The following TRIM33 variants were observed in gnomAD, a reference collection of about 807,000 sequenced individuals.
TRIM33 encodes tripartite motif containing 33.
TRIM33 carries 20 observed loss-of-function variants against 125.4 expected under a neutral mutation model. The observed-to-expected ratio is 0.16, with a 90% CI of 0.11 to 0.23. TRIM33 has a LOEUF of 0.23. TRIM33 is among the 10% of genes least tolerant of loss of function. The pLI is 1.00. For missense variants in TRIM33, 920 were observed against 1,411.4 expected, an observed-to-expected ratio of 0.65 and a Z score of 5.58; for synonymous variants, 564 against 513.9, an observed-to-expected ratio of 1.10 and a Z score of -1.32.
In TRIM33 at chr1:114,424,674, C is replaced by T; in HGVS notation, c.1777G>A (p.Ala593Thr). 1 of 1,611,698 alleles carries T rather than the reference C, an allele frequency of 6.2e-7. No individual in the cohort carries two copies. The highest frequency in any genetic ancestry group is 8.5e-7 in the Non-Finnish European group (1 of 1,178,692). The change falls in exon 10 of 20, where the codon GCT becomes ACT. Residue 593 changes from alanine (A) to threonine (T), a missense_variant. This residue lies in a region of TRIM33 where 407 missense variants were observed against 589.7 expected (regional missense o/e 0.69). Transcript: ENST00000358465. The stretch of plus-strand genomic sequence containing the variant: ...CCTGGTATTCTGGCAGCATTCTGAG[C>T]CAGTCTCATCTGATGGGCTTGAAAA... ...GAFQAHQMRLAQNAARIPGIP... is the reference protein window; with the variant it reads ...GAFQAHQMRLTQNAARIPGIP...
At chr1:114,488,468 TAAA>T (rs1195193555) in intron 1 of TRIM33, among the ~76,000 whole-genome samples, 4 of 152,162 alleles carry the variant, frequency 2.6e-5, no homozygotes, top group Admixed American at 6.5e-5. Context: ...GTAAGTACAT[TAAA>T]AGAAGATGGA....
chr1:114,473,459 C>T (rs1650778765), intron 1 of TRIM33, among the ~76,000 whole-genome samples: 1 of 151,932 alleles, frequency 6.6e-6, no homozygotes, highest in South Asian at 2.1e-4. Context: ...AAACTAATTC[C>T]GATTGGCTAC....
At chr1:114,462,016 G>A (rs1474091138) in intron 4 of TRIM33, among the ~76,000 whole-genome samples, 3 of 152,126 alleles carry the variant, frequency 2.0e-5, no homozygotes, top group African/African-American at 7.2e-5. Flanking sequence ...AAGAAAATGA[G>A]CATATGGGTT....
intron 1 of TRIM33, among the ~76,000 whole-genome samples, chr1:114,485,000 C>T (rs1259056903): frequency 6.6e-6 from 1 of 151,606 alleles, no homozygotes; most frequent in Admixed American, 6.6e-5. Context: ...TGCAGTGAGC[C>T]GAGATCACAC....
intron 11 of TRIM33, among the ~76,000 whole-genome samples, chr1:114,415,626 C>T (rs1417254110): frequency 1.3e-5 from 2 of 152,044 alleles, no homozygotes; most frequent in Admixed American, 1.3e-4. Context: ...CCATTTGTAC[C>T]AATAAGCTCA....
chr1:114,395,946 G>T lies in TRIM33; in HGVS notation c.*1702C>A, dbSNP rs566204960. The T allele has an allele frequency of 7.7e-4, 149 of 193,804 alleles. No homozygotes were observed. The highest frequency in any genetic ancestry group is 1.3e-3 in the Non-Finnish European group (121 of 92,930). 12.0% of individuals were successfully genotyped at this position (193,804 alleles called of 1,614,324 possible). ...ATAATTTCTTTAGAGCACTTTATTTGATTCAATATGCATTAAAAAATATTG... is the reference window on the plus strand; with the variant it reads ...ATAATTTCTTTAGAGCACTTTATTTTATTCAATATGCATTAAAAAATATTG... On this transcript the variant is annotated 3_prime_UTR_variant, in exon 20 of 20. Transcript: ENST00000358465.
intron 4 of TRIM33, among the ~76,000 whole-genome samples, chr1:114,447,772 A>G (rs1306090332): frequency 1.3e-5 from 2 of 152,262 alleles, no homozygotes; most frequent in Non-Finnish European, 2.9e-5. Flanking sequence ...CCAAGTACAT[A>G]AATGTGTTAA....
Position 114,510,918 on chromosome 1 carries a change from G to A in TRIM33, c.159C>T (p.Ala53=), listed in dbSNP as rs1444184998. The A allele has an allele frequency of 1.8e-5, 25 of 1,418,190 alleles. No homozygotes were observed. The highest frequency in any genetic ancestry group is 2.9e-5 in the South Asian group (2 of 68,448). 87.9% of individuals were successfully genotyped at this position (1,418,190 alleles called of 1,614,324 possible). Residue 53 remains alanine (A), a synonymous_variant, in exon 1 of 20, where the codon GCC becomes GCT. Transcript: ENST00000358465. ...GCCCGGCCGCGCCGCCCTCAGCGCC[G>A]GCCCTGCCGCCTTCCTCCTCCTCCT... ...VEEEEEEGGR[A]GAEGGAAGPD...
intron 15 of TRIM33, among the ~76,000 whole-genome samples, chr1:114,403,281 T>C (rs1369795957): frequency 6.6e-6 from 1 of 152,240 alleles, no homozygotes; most frequent in Non-Finnish European, 1.5e-5. Flanking sequence ...TGTTTTGGCA[T>C]GTATTAAAAT....
chr1:114,398,859 A>AC (rs1378710684), intron 18 of TRIM33, among the ~76,000 whole-genome samples: 1 of 147,950 alleles, frequency 6.8e-6, no homozygotes, highest in Admixed American at 6.8e-5. Context: ...GGTATATAAT[A>AC]CATTTCTTCT....
chr1:114,510,229 C>T (rs1653258720), intron 1 of TRIM33, among the ~76,000 whole-genome samples: 1 of 152,152 alleles, frequency 6.6e-6, no homozygotes, highest in African/African-American at 2.4e-5. Context: ...AACGTGTTTC[C>T]CAAATCCCCC....
At chr1:114,437,963 G>GC (rs1353539187) in intron 4 of TRIM33, among the ~76,000 whole-genome samples, 1 of 152,126 alleles carries the variant, frequency 6.6e-6, no homozygotes, top group Non-Finnish European at 1.5e-5. Context: ...GGGCACAGTG[G>GC]CCCACACCTG....
rs1245396084 is a variant in TRIM33 at position 114,424,717 on chromosome 1, G to A, written c.1734C>T (p.Gly578=). ...RLISVQTMQR[G]NMNCGAFQAH... ...CTTGAAAAGCTCCACAGTTCATGTT[G>A]CCTCTTTGCATTGTTTGCACACTGA... is the stretch of plus-strand genomic sequence containing the variant. The change falls in exon 10 of 20, where the codon GGC becomes GGT. Residue 578 remains glycine (G), a synonymous_variant. Transcript: ENST00000358465. The A allele has an allele frequency of 6.2e-7, 1 of 1,607,292 alleles. No individual in the cohort carries two copies. Among genetic ancestry groups the A allele is most frequent in the South Asian group, 1.1e-5 (1 of 89,848 alleles).
chr1:114,412,236 G>C (rs139076588), intron 11 of TRIM33, among the ~76,000 whole-genome samples: 1 of 152,266 alleles, frequency 6.6e-6, no homozygotes, highest in Admixed American at 6.5e-5. Context: ...ATACCTATGT[G>C]AAATTTAAAT....
At chr1:114,468,951 T>A (rs1213133530) in intron 1 of TRIM33, 1 of 225,330 alleles carries the variant, frequency 4.4e-6, no homozygotes, top group African/African-American at 2.4e-5. Flanking sequence ...CCAAGAAAAC[T>A]TATTTTGTCA....
chr1:114,421,509 G>T lies in TRIM33; in HGVS notation c.1988C>A (p.Thr663Lys). The change falls in exon 11 of 20, where the codon ACA becomes AAA. Residue 663 changes from threonine (T) to lysine (K), a missense_variant. Thr to Lys is a moderately conservative substitution (Grantham distance 78). Coordinates refer to ENST00000358465, the MANE Select transcript of TRIM33 (RefSeq NM_015906.4). ...ANRGPTSPSV[T>K]AIELIPSVTN... ...AACTGAGGGGATTAGCTCTATTGCT[G>T]TAACAGATGGGCTGGTGGGACCTCG... 1.9e-6 allele frequency: 3 copies of T among 1,614,146 alleles called. No individual in the cohort carries two copies. The highest frequency in any genetic ancestry group is 2.5e-6 in the Non-Finnish European group (3 of 1,180,018).
rs1208847662 is a variant in TRIM33 at position 114,395,122 on chromosome 1, GA to G, written c.*2525del. ...TTTTAACCATAGGTATATTAGAGCTGAAAAAATCAGCTTAGAAACACAACGA... is the reference window on the plus strand; with the variant it reads ...TTTTAACCATAGGTATATTAGAGCTGAAAAATCAGCTTAGAAACACAACGA... On this transcript the variant is annotated 3_prime_UTR_variant, in exon 20 of 20. Transcript: ENST00000358465. The G allele has an allele frequency of 1.0e-5, 2 of 196,692 alleles. No homozygotes were observed. Among genetic ancestry groups the G allele is most frequent in the Non-Finnish European group, 1.1e-5 (1 of 94,934 alleles). The allele number at this position is 196,692 out of a possible 1,614,324, so 12.2% of individuals were successfully genotyped here.
At chr1:114,481,717 T>C (rs12073175) in intron 1 of TRIM33, among the ~76,000 whole-genome samples, 12 of 151,480 alleles carry the variant, frequency 7.9e-5, no homozygotes, top group Admixed American at 1.3e-4. Flanking sequence ...TTTTTTATAT[T>C]GGTTTTTTCC....
At chr1:114,441,088 G>A (rs918398657) in intron 4 of TRIM33, among the ~76,000 whole-genome samples, 1 of 152,180 alleles carries the variant, frequency 6.6e-6, no homozygotes, top group Non-Finnish European at 1.5e-5. Context: ...TGGGAGGATC[G>A]CTTGCGGCCT....
Sources: allele counts gnomAD v4.1 joint callset (sites outside exome capture counted in the v4.1 genomes callset), GRCh38; gene constraint gnomAD v4.1.1; regional missense constraint gnomAD v4.1.1; transcripts MANE v1.5; gene names NCBI Gene and HGNC (gene_info 2026-07-23, HGNC 2026-07-21).